Variants in FBLN2 observed in about 807,000 individuals in gnomAD.
FBLN2 encodes the protein fibulin 2, also known as fibulin-2.
A neutral mutation model predicts 123.7 loss-of-function variants in FBLN2; 81 were observed. The observed-to-expected ratio is 0.65, with a 90% CI of 0.55 to 0.79. The LOEUF (loss-of-function observed/expected upper bound fraction) is 0.79, where lower values mean the gene tolerates loss of function less well. Ranked by LOEUF, FBLN2 falls within the 30% of genes least tolerant of loss-of-function variation. The pLI, the probability that FBLN2 is intolerant of heterozygous loss-of-function variation, is 0.00. For missense variants in FBLN2, 1,603 were observed against 1,681.3 expected, an observed-to-expected ratio of 0.95 and a Z score of 0.81; for synonymous variants, 699 against 701.4, an observed-to-expected ratio of 1.00 and a Z score of 0.05.
chr3:13,572,067 G>A (rs1703982313), intron 2 of FBLN2, among the ~76,000 whole-genome samples: 1 of 152,240 alleles, frequency 6.6e-6, no homozygotes, highest in African/African-American at 2.4e-5. Context: ...CTGGCCTGTG[G>A]CCTAGGAGCC....
chr3:13,579,090 C>T (rs979759708), intron 2 of FBLN2, among the ~76,000 whole-genome samples: 16 of 152,262 alleles, frequency 1.1e-4, no homozygotes, highest in Admixed American at 6.5e-4. Flanking sequence ...TTTTCCAGAG[C>T]GACTGCACCA....
At chr3:13,599,003 C>T (rs1057331465) in intron 2 of FBLN2, among the ~76,000 whole-genome samples, 48 of 152,142 alleles carry the variant, frequency 3.2e-4, no homozygotes, top group Admixed American at 2.7e-3. Context: ...TGTGCAAAGG[C>T]GTAGAACAAG....
chr3:13,634,641 G>T (rs1354584373), intron 16 of FBLN2, among the ~76,000 whole-genome samples: 2 of 152,260 alleles, frequency 1.3e-5, no homozygotes, highest in Non-Finnish European at 1.5e-5. Context: ...GCTCTACCCT[G>T]CCTGGCCTCT....
chr3:13,631,202 G>T, intron 15 of FBLN2, 127 bp from the exon 16 acceptor site: 1 of 1,208,702 alleles, frequency 8.3e-7, no homozygotes, highest in Non-Finnish European at 1.1e-6. Context: ...TACTCTCTCA[G>T]TCCACTTGTC....
Position 13,621,793 on chromosome 3 carries a change from TG to T in FBLN2, c.2177del (p.Gly726ValfsTer12), listed in dbSNP as rs1705860093. ...CCACTAGACCAAGACGAGTGCCTGA[TG>T]GGTGCTCACGATTGTAGCCGGCGAC... Reference protein sequence around the residue: ...VSCEDQDECLMGAHDCSRRQF... With the variant: ...VSCEDQDECLXGAHDCSRRQF... On this transcript the variant is annotated frameshift_variant, in exon 9 of 18. Transcript: ENST00000404922. LOFTEE classifies it high-confidence loss of function. The T allele has an allele frequency of 6.2e-7, 1 of 1,614,030 alleles. No homozygotes were observed. The highest frequency in any genetic ancestry group is 2.2e-5 in the East Asian group (1 of 44,876).
chr3:13,631,268 G>C, intron 15 of FBLN2, 61 bp from the exon 16 acceptor site: 2 of 1,567,738 alleles, frequency 1.3e-6, no homozygotes, highest in Non-Finnish European at 1.7e-6. Flanking sequence ...CAGGCTGACT[G>C]TCAGTGGCTG....
intron 2 of FBLN2, among the ~76,000 whole-genome samples, chr3:13,590,592 C>G (rs1431618516): frequency 6.6e-6 from 1 of 152,166 alleles, no homozygotes; most frequent in Non-Finnish European, 1.5e-5. Flanking sequence ...TCCCAAAATG[C>G]TGGGATTACA....
At chr3:13,621,472 C>T (rs1460772596) in intron 8 of FBLN2, among the ~76,000 whole-genome samples, 1 of 152,114 alleles carries the variant, frequency 6.6e-6, no homozygotes, top group East Asian at 1.9e-4. Flanking sequence ...TCTCTTGGCG[C>T]CCGTGGATGT....
At chr3:13,561,382 G>A (rs569857192) in intron 1 of FBLN2, among the ~76,000 whole-genome samples, 5 of 152,114 alleles carry the variant, frequency 3.3e-5, no homozygotes, top group Admixed American at 2.6e-4. Flanking sequence ...CTGACTGATC[G>A]CCCTCTCCTT....
At chr3:13,594,172 G>C (rs974983216) in intron 2 of FBLN2, among the ~76,000 whole-genome samples, 1 of 152,192 alleles carries the variant, frequency 6.6e-6, no homozygotes, top group East Asian at 1.9e-4. Context: ...GTAGACCCCA[G>C]TGGGTGGGTA....
At chr3:13,625,528 A>G (rs1165457079) in intron 9 of FBLN2, among the ~76,000 whole-genome samples, 1 of 152,120 alleles carries the variant, frequency 6.6e-6, no homozygotes, top group Admixed American at 6.5e-5. Context: ...CATGGCCAGC[A>G]GGGCTCCCAC....
intron 2 of FBLN2, among the ~76,000 whole-genome samples, chr3:13,603,999 A>C (rs1705124285): frequency 3.3e-5 from 5 of 152,060 alleles, no homozygotes. Flanking sequence ...GATGATGAGC[A>C]TTTTTTCATG....
intron 1 of FBLN2, chr3:13,569,109 A>G (rs1238311060): frequency 2.1e-6 from 2 of 967,618 alleles, no homozygotes; most frequent in Middle Eastern, 5.2e-4. Flanking sequence ...AAGTGGGGCT[A>G]CAGGCACTGG....
chr3:13,610,619 T>C (rs1379125484), intron 4 of FBLN2, among the ~76,000 whole-genome samples: 1 of 152,160 alleles, frequency 6.6e-6, no homozygotes, highest in East Asian at 1.9e-4. Flanking sequence ...GTGGGAGGGA[T>C]TTGCAGCAGG....
At chr3:13,632,080 C>T (rs913386096) in intron 16 of FBLN2, among the ~76,000 whole-genome samples, 2 of 152,274 alleles carry the variant, frequency 1.3e-5, no homozygotes, top group Admixed American at 6.5e-5. Flanking sequence ...GGATAGAGAC[C>T]GTGTTCTGTG....
At chr3:13,609,490 C>T in intron 3 of FBLN2, 23 bp from the exon 4 acceptor site, 2 of 1,526,132 alleles carry the variant, frequency 1.3e-6, no homozygotes, top group Non-Finnish European at 1.8e-6. Context: ...CGACTGGGGG[C>T]TAAGTTACCC....
rs571347873 is a variant in FBLN2, at chr3:13,596,714, A to C, written c.1307-11348A>C. Among the ~76,000 whole-genome samples, 22 of 151,996 alleles carry C rather than the reference A, an allele frequency of 1.4e-4. No individual in the cohort carries two copies. In the East Asian group the frequency reaches 4.1e-3, roughly 28 times the overall value. ...TGTCTCCATTAAACCCTAACTCCCT[A>C]TATCCCCACTCCCAGCCCTTGGCAC... is the stretch of plus-strand genomic sequence containing the variant. On this transcript the variant is annotated intron_variant, in intron 2 of 17. Coordinates refer to ENST00000404922, the MANE Select transcript of FBLN2 (RefSeq NM_001004019.2).
rs756614544 is a variant in FBLN2 at position 13,621,840 on chromosome 3, G to A, written c.2221G>A (p.Gly741Arg). 3 of 1,613,996 alleles carry A rather than the reference G, an allele frequency of 1.9e-6. No homozygotes were observed. Among genetic ancestry groups the A allele is most frequent in the Non-Finnish European group, 2.5e-6 (3 of 1,179,878 alleles). ...SRRQFCVNTL[G>R]SFYCVNHTVL... ...GCGACAGTTCTGTGTGAACACCCTGGGATCCTTCTACTGTGTCAACCACAC... is the reference window on the plus strand; with the variant it reads ...GCGACAGTTCTGTGTGAACACCCTGAGATCCTTCTACTGTGTCAACCACAC... Residue 741 changes from glycine to arginine, a missense_variant, in exon 9 of 18, where the codon GGA (glycine) becomes AGA (arginine). Transcript: ENST00000404922.
At chr3:13,608,242 C>T in intron 3 of FBLN2, 69 bp downstream of exon 3, 1 of 1,165,760 alleles carries the variant, frequency 8.6e-7, no homozygotes, top group African/African-American at 1.5e-5. Flanking sequence ...TTGCCTAGGA[C>T]CCCAGGCTCC....
Sources: allele counts gnomAD v4.1 joint callset (sites outside exome capture counted in the v4.1 genomes callset), GRCh38; gene constraint gnomAD v4.1.1; transcripts MANE v1.5; gene names NCBI Gene and HGNC (gene_info 2026-07-23, HGNC 2026-07-21).